The following NWD2 variants were observed in gnomAD, a reference collection of about 807,000 sequenced individuals.
The protein encoded by NWD2 is NACHT and WD repeat domain containing 2, also known as NACHT and WD repeat domain-containing protein 2.
In NWD2, 37 loss-of-function variants were observed where a neutral mutation model predicts 132.7. The ratio of observed to expected loss-of-function variants is 0.28; its 90% CI spans 0.21 to 0.37. NWD2 has a LOEUF of 0.37. Among genes scored for constraint, NWD2 ranks in the 10% least tolerant of loss-of-function variants. The pLI, the probability that NWD2 is intolerant of heterozygous loss-of-function variation, is 1.00. For synonymous variants in NWD2, 705 were observed against 803.0 expected, an observed-to-expected ratio of 0.88 and a Z score of 2.06; for missense variants, 1,592 against 2,122.4, an observed-to-expected ratio of 0.75 and a Z score of 4.91.
chr4:37,278,679 A>G (rs1285411504), intron 1 of NWD2, among the ~76,000 whole-genome samples: 1 of 152,196 alleles, frequency 6.6e-6, no homozygotes, highest in Non-Finnish European at 1.5e-5. Flanking sequence ...GAACCTTCAT[A>G]GAAACCAGCA....
intron 4 of NWD2, among the ~76,000 whole-genome samples, chr4:37,431,116 A>G (rs1025262175): frequency 6.6e-6 from 1 of 152,194 alleles, no homozygotes; most frequent in African/African-American, 2.4e-5. Context: ...CAGTTCCTCA[A>G]AAAATTAAAA....
At chr4:37,400,986 C>T (rs947034334) in intron 3 of NWD2, among the ~76,000 whole-genome samples, 1 of 152,138 alleles carries the variant, frequency 6.6e-6, no homozygotes, top group African/African-American at 2.4e-5. Context: ...CTGTGCTATT[C>T]ATTGGAGTTG....
intron 3 of NWD2, among the ~76,000 whole-genome samples, chr4:37,358,966 G>A (rs1413976025): frequency 6.6e-6 from 1 of 152,154 alleles, no homozygotes; most frequent in African/African-American, 2.4e-5. Context: ...CCAGATTTGG[G>A]AAGCATAACC....
At chr4:37,342,172 A>G (rs1719541496) in intron 2 of NWD2, among the ~76,000 whole-genome samples, 1 of 152,120 alleles carries the variant, frequency 6.6e-6, no homozygotes, top group African/African-American at 2.4e-5. Flanking sequence ...TCCTTCTTGA[A>G]CGGCATTGAT....
At chr4:37,291,104 A>C (rs1382926969) in intron 1 of NWD2, among the ~76,000 whole-genome samples, 2 of 152,198 alleles carry the variant, frequency 1.3e-5, no homozygotes, top group Admixed American at 1.3e-4. Flanking sequence ...TCAGCCCGGG[A>C]CATTCAGTGA....
intron 3 of NWD2, among the ~76,000 whole-genome samples, chr4:37,401,791 T>C (rs1471842354): frequency 6.6e-6 from 1 of 152,208 alleles, no homozygotes; most frequent in Non-Finnish European, 1.5e-5. Flanking sequence ...TCTTCAGACC[T>C]CTGAACTTCT....
In NWD2 at chr4:37,344,793, G is replaced by A. The variant is rs540825514; in HGVS notation, c.241-11573G>A. 2.6e-5 allele frequency among the ~76,000 whole-genome samples: 4 copies of A among 152,244 alleles called. No individual in the cohort carries two copies. The South Asian group carries it at 8.3e-4, about 32-fold the overall frequency. On this transcript the variant is annotated intron_variant, in intron 2 of 6. Transcript: ENST00000309447. ...TTAGTACATTCACAATTGTGTAATA[G>A]TTAGGAAAATCAATTTTAGAACATT...
chr4:37,298,386 A>G (rs767676808), intron 1 of NWD2, among the ~76,000 whole-genome samples: 1 of 152,168 alleles, frequency 6.6e-6, no homozygotes, highest in Non-Finnish European at 1.5e-5. Flanking sequence ...TTTGTCTAAT[A>G]TTTGTTCTGG....
At chr4:37,322,194 G>C (rs1719082749) in intron 1 of NWD2, among the ~76,000 whole-genome samples, 1 of 152,138 alleles carries the variant, frequency 6.6e-6, no homozygotes, top group Non-Finnish European at 1.5e-5. Flanking sequence ...GCAGCCATGA[G>C]TGAGACAAAA....
chr4:37,363,125 G>A (rs1242968342), intron 3 of NWD2, among the ~76,000 whole-genome samples: 1 of 152,124 alleles, frequency 6.6e-6, no homozygotes, highest in Admixed American at 6.6e-5. Flanking sequence ...ACACTAGTAG[G>A]GATGACTATT....
Position 37,444,770 on chromosome 4 carries a change from C to A in NWD2, c.2782C>A (p.Leu928Ile). 1 of 1,551,956 alleles carries A rather than the reference C, an allele frequency of 6.4e-7. No individual in the cohort carries two copies. Among genetic ancestry groups the A allele is most frequent in the African/African-American group, 1.4e-5 (1 of 73,160 alleles). Residue 928 changes from leucine to isoleucine, a missense_variant, in exon 7 of 7, where the codon CTT becomes ATT. Transcript: ENST00000309447. The surrounding 1 kb of genome is among the most constrained non-coding windows in gnomAD (Gnocchi z 4.8). ...LLPVVSSLPK[L>I]RHLLLECDKD... ...GCCTGTTGTAAGCTCCCTGCCCAAA[C>A]TTAGACATCTTCTTTTAGAGTGTGA...
In NWD2 at chr4:37,430,559, T is replaced by G; in HGVS notation, c.358-13T>G. On this transcript the variant is annotated splice_polypyrimidine_tract_variant and intron_variant, in intron 3 of 6. Transcript: ENST00000309447. ...GGTGATACACTAAATTGAACTTTCT[T>G]GTTGATACACAGGGACTATTAGGTG... 1 of 1,545,754 alleles carries G rather than the reference T, an allele frequency of 6.5e-7. No individual in the cohort carries two copies. The highest frequency in any genetic ancestry group is 8.8e-7 in the Non-Finnish European group (1 of 1,141,748).
chr4:37,377,895 T>G (rs1246202555), intron 3 of NWD2, among the ~76,000 whole-genome samples: 3 of 152,222 alleles, frequency 2.0e-5, no homozygotes, highest in Non-Finnish European at 4.4e-5. Context: ...AAACATTTTT[T>G]AAATGTTTCA....
Position 37,446,024 on chromosome 4 carries a change from A to G in NWD2, c.4036A>G (p.Ser1346Gly), listed in dbSNP as rs947094060. 3.9e-6 allele frequency: 6 copies of G among 1,551,776 alleles called. No individual in the cohort carries two copies. The highest frequency in any genetic ancestry group is 5.2e-6 in the Non-Finnish European group (6 of 1,147,000). ...CGATTGTGTTCATAAGTGGAACTTC[A>G]GCAGTGGCTTCATCGAAGCAGTATT... ...GSDCVHKWNF[S>G]SGFIEAVFKH... is the part of the protein sequence containing the mutation. Residue 1346 changes from serine (S) to glycine (G), a missense_variant, in exon 7 of 7, where the codon AGC becomes GGC. By Grantham distance (56) the Ser-to-Gly change is moderately conservative (BLOSUM62 0). Transcript: ENST00000309447. The surrounding 1 kb of genome is among the most constrained non-coding windows in gnomAD (Gnocchi z 6.7).
At chr4:37,419,373 T>A (rs1239154164) in intron 3 of NWD2, among the ~76,000 whole-genome samples, 2 of 152,140 alleles carry the variant, frequency 1.3e-5, no homozygotes, top group South Asian at 2.1e-4. Flanking sequence ...CCAAGAGCAA[T>A]GGCAACAAAA....
At chr4:37,266,098 T>C (rs1384780081) in intron 1 of NWD2, among the ~76,000 whole-genome samples, 1 of 152,114 alleles carries the variant, frequency 6.6e-6, no homozygotes, top group Non-Finnish European at 1.5e-5. Context: ...GTGAGTTCTT[T>C]TGTAACCTCT....
chr4:37,249,992 A>G (rs1717319466), intron 1 of NWD2, among the ~76,000 whole-genome samples: 1 of 152,188 alleles, frequency 6.6e-6, no homozygotes, highest in African/African-American at 2.4e-5. Flanking sequence ...GCTTCCCCAC[A>G]CAAAAGGCAG....
At chr4:37,256,921 T>G (rs1420167915) in intron 1 of NWD2, among the ~76,000 whole-genome samples, 1 of 152,150 alleles carries the variant, frequency 6.6e-6, no homozygotes, top group Non-Finnish European at 1.5e-5. Flanking sequence ...GCTCTCTTAT[T>G]AAGAGGTGGG....
chr4:37,444,650 G>C lies in NWD2; in HGVS notation c.2662G>C (p.Glu888Gln). 1 of 1,552,178 alleles carries C rather than the reference G, an allele frequency of 6.4e-7. No individual in the cohort carries two copies. Among genetic ancestry groups the C allele is most frequent in the Non-Finnish European group, 8.7e-7 (1 of 1,147,124 alleles). Residue 888 changes from glutamate (E) to glutamine (Q), a missense_variant, in exon 7 of 7, where the codon GAG becomes CAG. Glu to Gln is a conservative substitution (Grantham distance 29). Around this residue, in one of 7 missense-constraint regions of NWD2, gnomAD observed 1,071 missense variants for 1,398.0 expected, o/e 0.77. Transcript: ENST00000309447. This position sits in a 1 kb window ranked among gnomAD's most constrained non-coding sequence, Gnocchi z 4.8. ...GGCTTACAACTACTCGCAAGAGAAGGAGCTGAAGTTCCTGGCCAACACCCT... is the reference window on the plus strand; with the variant it reads ...GGCTTACAACTACTCGCAAGAGAAGCAGCTGAAGTTCCTGGCCAACACCCT... The part of the protein sequence containing the change: ...ELAYNYSQEK[E>Q]LKFLANTLRS...
Sources: allele counts gnomAD v4.1 joint callset (sites outside exome capture counted in the v4.1 genomes callset), GRCh38; gene constraint gnomAD v4.1.1; regional missense constraint gnomAD v4.1.1; non-coding constraint Gnocchi (gnomAD v3.1); transcripts MANE v1.5; gene names NCBI Gene and HGNC (gene_info 2026-07-23, HGNC 2026-07-21).